CACNA2D4: variants seen among roughly 807,000 people sequenced by gnomAD.
The protein encoded by CACNA2D4 is voltage-dependent calcium channel subunit alpha-2/delta-4.
Under a neutral mutation model 163.8 loss-of-function variants are expected in CACNA2D4, and 157 were observed. The observed-to-expected ratio is 0.96, with a 90% CI of 0.84 to 1.09. CACNA2D4 has a LOEUF of 1.09. Among genes scored for constraint, CACNA2D4 ranks in the 50% least tolerant of loss-of-function variants. The pLI is 0.00. For missense variants in CACNA2D4, 1,410 were observed against 1,479.9 expected, an observed-to-expected ratio of 0.95 and a Z score of 0.78; for synonymous variants, 598 against 586.9, an observed-to-expected ratio of 1.02 and a Z score of -0.27.
At chr12:1,892,928 G>A (rs1482547435) in intron 6 of CACNA2D4, among the ~76,000 whole-genome samples, 2 of 152,144 alleles carry the variant, frequency 1.3e-5, no homozygotes, top group East Asian at 3.9e-4. Flanking sequence ...AAAGGATCAA[G>A]TTAGCAAGAG....
chr12:1,827,943 C>G lies in CACNA2D4; in HGVS notation c.2551+12796G>C, dbSNP rs1864420067. 5 of 418,808 alleles carry G rather than the reference C, an allele frequency of 1.2e-5. No individual in the cohort carries two copies. In the South Asian group the frequency reaches 2.6e-4, roughly 22 times the overall value. 25.9% of individuals were successfully genotyped at this position (418,808 alleles called of 1,614,324 possible). On this transcript the variant is annotated intron_variant, in intron 26 of 37. Transcript: ENST00000382722. ...TTCCTGGCTCCTCTTCTTCCCCCAC[C>G]CAGGGAATCATAACTGAGAGGAACA...
intron 35 of CACNA2D4, among the ~76,000 whole-genome samples, chr12:1,796,691 T>A (rs1863138369): frequency 1.3e-5 from 2 of 152,162 alleles, no homozygotes; most frequent in Admixed American, 1.3e-4. Context: ...GCGCCGCAGG[T>A]GCCGCACTGT....
intron 26 of CACNA2D4, among the ~76,000 whole-genome samples, chr12:1,814,971 C>A (rs1297751236): frequency 6.6e-6 from 1 of 152,236 alleles, no homozygotes; most frequent in Non-Finnish European, 1.5e-5. Context: ...CTCATTGCAA[C>A]CTCCACCTCC....
intron 26 of CACNA2D4, among the ~76,000 whole-genome samples, chr12:1,827,002 A>T (rs1864359379): frequency 6.6e-6 from 1 of 152,234 alleles, no homozygotes; most frequent in African/African-American, 2.4e-5. Context: ...GGCTGCAACC[A>T]GGAATTACCC....
chr12:1,847,142 T>G lies in CACNA2D4; in HGVS notation c.2247-453A>C, dbSNP rs1417106575. Among the ~76,000 whole-genome samples the G allele has an allele frequency of 2.0e-5, 3 of 152,188 alleles. No individual in the cohort carries two copies. The East Asian group carries it at 5.8e-4, about 29-fold the overall frequency. ...ACGTGAAGGGAGGGGGAGCAGGCAC[T>G]GCATACACCCACCCAGGAGAAGTCC... On this transcript the variant is annotated intron_variant, in intron 23 of 37. Transcript: ENST00000382722.
In CACNA2D4 at chr12:1,889,587, C is replaced by A. The variant is rs557260510; in HGVS notation, c.782-2518G>T. On this transcript the variant is annotated intron_variant, in intron 6 of 37. Coordinates refer to ENST00000382722, the MANE Select transcript of CACNA2D4 (RefSeq NM_172364.5). Reference sequence around the variant, plus strand: ...GAACCTCCTGCCTCAGCCGCCCCCCCCAGTAGCTGGAACTATAGGTACAAA... The same window carrying A: ...GAACCTCCTGCCTCAGCCGCCCCCCACAGTAGCTGGAACTATAGGTACAAA... Among the ~76,000 whole-genome samples, 9 of 151,650 alleles carry A rather than the reference C, an allele frequency of 5.9e-5. No individual in the cohort carries two copies. The East Asian group carries it at 7.7e-4, about 13-fold the overall frequency.
Position 1,875,482 on chromosome 12 carries a change from C to T in CACNA2D4, c.1720-145G>A. On this transcript the variant is annotated intron_variant, in intron 16 of 37. Coordinates refer to ENST00000382722, the MANE Select transcript of CACNA2D4 (RefSeq NM_172364.5). This position sits in a 1 kb window ranked among gnomAD's most constrained non-coding sequence, Gnocchi z 4.0. Reference sequence around the variant, plus strand: ...CAATCCAGTAATTACTTAAGGTTATCTGGGCAAATTCCACCTGATACAGAG... The same window carrying T: ...CAATCCAGTAATTACTTAAGGTTATTTGGGCAAATTCCACCTGATACAGAG... 1.6e-6 allele frequency: 1 copy of T among 632,190 alleles called. No individual in the cohort carries two copies. Among genetic ancestry groups the T allele is most frequent in the South Asian group, 2.0e-5 (1 of 49,690 alleles). 39.2% of individuals were successfully genotyped at this position (632,190 alleles called of 1,614,324 possible).
intron 6 of CACNA2D4, among the ~76,000 whole-genome samples, chr12:1,905,394 C>G (rs1218534141): frequency 1.3e-5 from 2 of 152,010 alleles, no homozygotes; most frequent in African/African-American, 4.8e-5. Context: ...AAATGACATT[C>G]AAACTGGAAA....
intron 6 of CACNA2D4, among the ~76,000 whole-genome samples, chr12:1,902,092 A>G (rs113628238): frequency 3.7e-4 from 57 of 152,256 alleles, no homozygotes; most frequent in Middle Eastern, 6.8e-3. Flanking sequence ...CATCTTACCA[A>G]CAGAAAGAAG....
intron 18 of CACNA2D4, among the ~76,000 whole-genome samples, chr12:1,866,983 C>G (rs1865665696): frequency 6.6e-6 from 1 of 152,106 alleles, no homozygotes; most frequent in South Asian, 2.1e-4. Context: ...TGTATTTTCT[C>G]TTTCTACAGA....
rs7966806 is a variant in CACNA2D4 at position 1,879,001 on chromosome 12, T to C, written c.1599A>G (p.Ser533=). ...SHGILLGVVG[S]DVALRELMKL... is the part of the protein sequence containing the mutation. ...TCATCAGCTCTCTCAGGGCCACATCTGAGCCCACCACACCCAGGAGAATGC... is the reference window on the plus strand; with the variant it reads ...TCATCAGCTCTCTCAGGGCCACATCCGAGCCCACCACACCCAGGAGAATGC... The change falls in exon 15 of 38, where the codon TCA becomes TCG. Residue 533 remains serine (S), a synonymous_variant. Transcript: ENST00000382722. 0.11 allele frequency: 178,833 copies of C among 1,612,812 alleles called. 12,046 individuals carry two copies. The highest frequency in any genetic ancestry group is 0.31 in the African/African-American group (23,557 of 74,870).
chr12:1,883,148 G>T lies in CACNA2D4; in HGVS notation c.1352-148C>A, dbSNP rs544592518. ...GGGCACAGGGAGCTGCTTCCCCACA[G>T]TTGTGTCCTTTACCCAGGGGCAGCC... On this transcript the variant is annotated intron_variant, in intron 12 of 37. Coordinates refer to ENST00000382722, the MANE Select transcript of CACNA2D4 (RefSeq NM_172364.5). The surrounding 1 kb of genome is among the most constrained non-coding windows in gnomAD (Gnocchi z 4.5). 2 of 943,928 alleles carry T rather than the reference G, an allele frequency of 2.1e-6. No individual in the cohort carries two copies. Among genetic ancestry groups the T allele is most frequent in the East Asian group, 2.7e-5 (1 of 37,554 alleles). The allele number at this position is 943,928 out of a possible 1,614,324, so 58.5% of individuals were successfully genotyped here.
In CACNA2D4 at chr12:1,814,944, C is replaced by T. The variant is rs974323710; in HGVS notation, c.2552-3221G>A. Among the ~76,000 whole-genome samples, 10 of 152,360 alleles carry T rather than the reference C, an allele frequency of 6.6e-5. No individual in the cohort carries two copies. In the East Asian group the frequency reaches 7.7e-4, roughly 12 times the overall value. ...TCACTCTGTCACCCAGGCTGGAGTG[C>T]AGTGGCACAATCTCAGCTCATTGCA... On this transcript the variant is annotated intron_variant, in intron 26 of 37. Coordinates refer to ENST00000382722, the MANE Select transcript of CACNA2D4 (RefSeq NM_172364.5).
rs775565288 is a variant in CACNA2D4, at chr12:1,801,043, G to A, written c.2868C>T (p.Ser956=). 1.4e-5 allele frequency: 23 copies of A among 1,612,868 alleles called. No homozygotes were observed. Among genetic ancestry groups the A allele is most frequent in the South Asian group, 9.9e-5 (9 of 91,038 alleles). ...GAGGGAAGGGCTGGGTGACACTCACGCTGACCAGGGGCTGGGCTGCACTGT... is the reference window on the plus strand; with the variant it reads ...GAGGGAAGGGCTGGGTGACACTCACACTGACCAGGGGCTGGGCTGCACTGT... ...HHHSAAQPLV[S]PISAFLTATR... The change falls in exon 31 of 38, where the codon AGC becomes AGT. Residue 956 remains serine, a splice_region_variant and synonymous_variant. Transcript: ENST00000382722.
At chr12:1,840,954 G>T in intron 25 of CACNA2D4, 135 bp from the exon 26 acceptor site, 1 of 758,340 alleles carries the variant, frequency 1.3e-6, no homozygotes. Flanking sequence ...GCGAGGGTGG[G>T]GACAGGGGTT....
At position 1,861,243 on chromosome 12, in the gene CACNA2D4, A is replaced by G. The variant is rs1865518539; in HGVS notation, c.1879-1037T>C. ...TAGGAAACTGGCTTTATGCCAAATCAGAATGCACCTTTCACAAAACTGGAC... is the reference window on the plus strand; with the variant it reads ...TAGGAAACTGGCTTTATGCCAAATCGGAATGCACCTTTCACAAAACTGGAC... On this transcript the variant is annotated intron_variant, in intron 18 of 37. Coordinates refer to ENST00000382722, the MANE Select transcript of CACNA2D4 (RefSeq NM_172364.5). Among the ~76,000 whole-genome samples the G allele has an allele frequency of 2.0e-5, 3 of 152,330 alleles. 1 individual carries two copies. In the Middle Eastern group the frequency reaches 0.01, roughly 518 times the overall value.
intron 20 of CACNA2D4, among the ~76,000 whole-genome samples, chr12:1,857,521 G>T (rs1176624363): frequency 1.3e-5 from 2 of 152,174 alleles, no homozygotes; most frequent in Non-Finnish European, 2.9e-5. Context: ...TTGTAGGAAG[G>T]CAGGGTGATG....
At position 1,883,458 on chromosome 12, in the gene CACNA2D4, G is replaced by C. The variant is rs777000089; in HGVS notation, c.1352-458C>G. On this transcript the variant is annotated intron_variant, in intron 12 of 37. Transcript: ENST00000382722. The surrounding 1 kb of genome is among the most constrained non-coding windows in gnomAD (Gnocchi z 4.5). ...TCCTCTGGTCCTTGTTCTTGCTCAG[G>C]TTGTGGGGTGGGTGTTACAGCCTAT... is the stretch of plus-strand genomic sequence containing the variant. Among the ~76,000 whole-genome samples, 2 of 152,184 alleles carry C rather than the reference G, an allele frequency of 1.3e-5. No homozygotes were observed. Among genetic ancestry groups the C allele is most frequent in the Non-Finnish European group, 2.9e-5 (2 of 68,038 alleles).
chr12:1,828,355 T>A lies in CACNA2D4; in HGVS notation c.2551+12384A>T. 2 of 721,000 alleles carry A rather than the reference T, an allele frequency of 2.8e-6. No homozygotes were observed. Among genetic ancestry groups the A allele is most frequent in the South Asian group, 2.2e-5 (1 of 44,604 alleles). The allele number at this position is 721,000 out of a possible 1,614,324, so 44.7% of individuals were successfully genotyped here. A position where few individuals can be genotyped will look rare whatever the true frequency, so the allele number is the denominator to read the frequency against. On this transcript the variant is annotated intron_variant, in intron 26 of 37. Transcript: ENST00000382722. This position sits in a 1 kb window ranked among gnomAD's most constrained non-coding sequence, Gnocchi z 4.2. The stretch of plus-strand genomic sequence containing the variant: ...CAGATCTTCCTGGGGTACCCGAGGC[T>A]ATGTTCTGGGAAGCCAGGGTCACGC...
Sources: allele counts gnomAD v4.1 joint callset (sites outside exome capture counted in the v4.1 genomes callset), GRCh38; gene constraint gnomAD v4.1.1; non-coding constraint Gnocchi (gnomAD v3.1); transcripts MANE v1.5; gene names NCBI Gene and HGNC (gene_info 2026-07-23, HGNC 2026-07-21).